VWA2: variants seen among roughly 807,000 people sequenced by gnomAD.
VWA2 encodes the protein von Willebrand factor A domain-containing protein 2.
Under a neutral mutation model 70.4 loss-of-function variants are expected in VWA2, and 73 were observed. The observed-to-expected ratio is 1.04, with a 90% CI of 0.86 to 1.26. VWA2 has a LOEUF of 1.26. VWA2 is among the 50% of genes most tolerant of loss of function. The probability of loss-of-function intolerance (pLI) is 0.00; values close to 1 mark genes in which losing one functional copy is unlikely to be tolerated. For missense variants in VWA2, 1,011 were observed against 998.5 expected (o/e 1.01, Z -0.17); for synonymous variants, 407 against 423.3 (o/e 0.96, Z 0.47).
At chr10:114,286,614 G>C in intron 11 of VWA2, 103 bp downstream of exon 11, 2 of 1,012,452 alleles carry the variant, frequency 2.0e-6, no homozygotes. Context: ...CTCTTCTAGG[G>C]GCTGAAACCA....
Position 114,289,715 on chromosome 10 carries a change from C to A in VWA2, c.2122+226C>A, listed in dbSNP as rs138390990. The A allele has an allele frequency of 8.0e-4, 463 of 581,416 alleles. 1 individual carries two copies. The highest frequency in any genetic ancestry group is 7.6e-3 in the African/African-American group (410 of 53,642). The allele number at this position is 581,416 out of a possible 1,614,324, so 36.0% of individuals were successfully genotyped here. The stretch of plus-strand genomic sequence containing the variant: ...GAAAGTTTAACTAACATAGATAACT[C>A]CCCCCAAACTTGAGAATTTATGCAT... On this transcript the variant is annotated intron_variant, in intron 12 of 13. Coordinates refer to ENST00000392982, the MANE Select transcript of VWA2 (RefSeq NM_001272046.2).
At chr10:114,242,192 T>C (rs562265657) in intron 1 of VWA2, among the ~76,000 whole-genome samples, 1 of 152,254 alleles carries the variant, frequency 6.6e-6, no homozygotes, top group South Asian at 2.1e-4. Flanking sequence ...TTCCCTGGTC[T>C]CAAATTAGGA....
Position 114,291,252 on chromosome 10 carries a change from G to A in VWA2, c.*15G>A, listed in dbSNP as rs569154908. On this transcript the variant is annotated 3_prime_UTR_variant, in exon 14 of 14. Transcript: ENST00000392982. Reference sequence around the variant, plus strand: ...GACGCCCCTGAGGCACATGGCTCCCGTGCAGGAGGGCAGCAGCCGTACCCC... The same window carrying A: ...GACGCCCCTGAGGCACATGGCTCCCATGCAGGAGGGCAGCAGCCGTACCCC... 1.8e-5 allele frequency: 28 copies of A among 1,549,682 alleles called. No homozygotes were observed. The highest frequency in any genetic ancestry group is 1.2e-4 in the South Asian group (10 of 83,944).
chr10:114,289,351 G>A lies in VWA2; in HGVS notation c.1984G>A (p.Val662Ile). Residue 662 changes from valine (V) to isoleucine (I), a missense_variant, in exon 12 of 14, where the codon GTC becomes ATC. Val to Ile is a conservative substitution (Grantham distance 29). Coordinates refer to ENST00000392982, the MANE Select transcript of VWA2 (RefSeq NM_001272046.2). The part of the protein sequence containing the change: ...AQKLRNNGIS[V>I]LVVGVGPVLS... ...GAAGCTGAGGAACAATGGCATCTCTGTCTTGGTCGTGGGCGTGGGGCCTGT... is the reference window on the plus strand; with the variant it reads ...GAAGCTGAGGAACAATGGCATCTCTATCTTGGTCGTGGGCGTGGGGCCTGT... The A allele has an allele frequency of 6.2e-7, 1 of 1,614,278 alleles. No individual in the cohort carries two copies.
chr10:114,277,684 A>G (rs118191997), intron 6 of VWA2, among the ~76,000 whole-genome samples: 2,867 of 152,164 alleles, frequency 0.019, 48 homozygotes, highest in Non-Finnish European at 0.027. Flanking sequence ...ATCATTCCTC[A>G]GTCTTTTTTT....
intron 7 of VWA2, among the ~76,000 whole-genome samples, chr10:114,278,495 G>A (rs2037904508): frequency 6.6e-6 from 1 of 152,224 alleles, no homozygotes; most frequent in Non-Finnish European, 1.5e-5. Context: ...TGTGTGGGGT[G>A]GGGCCCAGCA....
rs138592170 is a variant in VWA2, at chr10:114,246,747, C to T, written c.-10-1957C>T. The T allele has an allele frequency of 1.2e-3, 1,809 of 1,462,332 alleles. 23 individuals carry two copies. In the African/African-American group the frequency reaches 0.021, roughly 17 times the overall value. 90.6% of individuals were successfully genotyped at this position (1,462,332 alleles called of 1,614,324 possible). A position where few individuals can be genotyped will look rare whatever the true frequency, so the allele number is the denominator to read the frequency against. On this transcript the variant is annotated intron_variant, in intron 1 of 13. Coordinates refer to ENST00000392982, the MANE Select transcript of VWA2 (RefSeq NM_001272046.2). ...CGTGCAGGGGGAGAAATCCTTGAAC[C>T]AGGGCTGCTGTATAACCTTTCAGGA...
chr10:114,258,318 CT>C, intron 4 of VWA2, among the ~76,000 whole-genome samples: 1 of 152,228 alleles, frequency 6.6e-6, no homozygotes, highest in South Asian at 2.1e-4. Flanking sequence ...TAAATTAAGA[CT>C]TTTATGGATG....
chr10:114,254,630 C>T (rs1399634174), intron 3 of VWA2, among the ~76,000 whole-genome samples: 3 of 152,214 alleles, frequency 2.0e-5, no homozygotes, highest in African/African-American at 4.8e-5. Context: ...TTCAGTGCTG[C>T]TCACTAGCCC....
At chr10:114,269,625 C>T (rs922311914) in intron 5 of VWA2, among the ~76,000 whole-genome samples, 1 of 152,146 alleles carries the variant, frequency 6.6e-6, no homozygotes, top group Non-Finnish European at 1.5e-5. Flanking sequence ...AAGCCTTCCC[C>T]TGAAGGTGGT....
chr10:114,284,746 A>G, intron 9 of VWA2, 117 bp from the exon 10 acceptor site: 1 of 898,192 alleles, frequency 1.1e-6, no homozygotes, highest in Non-Finnish European at 1.7e-6. Flanking sequence ...ACTGTGGGGG[A>G]AGGGAGGGGC....
chr10:114,286,128 C>T lies in VWA2; in HGVS notation c.1187C>T (p.Pro396Leu). 6.2e-7 allele frequency: 1 copy of T among 1,614,108 alleles called. No homozygotes were observed. The highest frequency in any genetic ancestry group is 2.2e-5 in the East Asian group (1 of 44,888). Residue 396 changes from proline to leucine, a missense_variant, in exon 11 of 14, where the codon CCT (proline) becomes CTT (leucine). Physicochemically the swap from Pro to Leu is moderately conservative, Grantham distance 98. Transcript: ENST00000392982. ...AGCAGGGAGCTGCTGGTGGCGGTGCCTGTGGGGGAGTACCAGGATGTGCCT... is the reference window on the plus strand; with the variant it reads ...AGCAGGGAGCTGCTGGTGGCGGTGCTTGTGGGGGAGTACCAGGATGTGCCT... ...TYSRELLVAVPVGEYQDVPDL... is the reference protein window; with the variant it reads ...TYSRELLVAVLVGEYQDVPDL...
At chr10:114,241,951 G>A (rs1190569310) in intron 1 of VWA2, among the ~76,000 whole-genome samples, 5 of 143,490 alleles carry the variant, frequency 3.5e-5, no homozygotes, top group African/African-American at 7.9e-5. Context: ...GATTGTGTGT[G>A]TGCATTCCCT....
At chr10:114,261,917 G>C (rs1437754382) in intron 5 of VWA2, among the ~76,000 whole-genome samples, 1 of 152,154 alleles carries the variant, frequency 6.6e-6, no homozygotes, top group African/African-American at 2.4e-5. Context: ...AAGGGCCTCA[G>C]GAAGCTTCCA....
intron 8 of VWA2, chr10:114,281,660 C>T (rs1183638307): frequency 1.1e-6 from 1 of 873,090 alleles, no homozygotes; most frequent in Non-Finnish European, 1.4e-6. Context: ...CGTGTGGACA[C>T]TTGTTGTGTG....
chr10:114,246,888 C>G (rs868694255), intron 1 of VWA2, among the ~76,000 whole-genome samples: 1 of 152,176 alleles, frequency 6.6e-6, no homozygotes, highest in Non-Finnish European at 1.5e-5. Context: ...TCAGAAAGCT[C>G]CACATCAATA....
At chr10:114,259,559 C>T (rs774748729) in intron 4 of VWA2, among the ~76,000 whole-genome samples, 26 of 151,192 alleles carry the variant, frequency 1.7e-4, no homozygotes, top group South Asian at 2.1e-4. Flanking sequence ...TCTTTTTACA[C>T]GTTGAAATTT....
intron 5 of VWA2, among the ~76,000 whole-genome samples, chr10:114,272,127 T>TCTCAAGCCACAGCAAATAGAGGAC (rs2037723344): frequency 6.6e-6 from 1 of 152,196 alleles, no homozygotes; most frequent in African/African-American, 2.4e-5. Flanking sequence ...GATGAGAGGA[T>TCTCAAGCCACAGCAAATAGAGGAC]CTCAAGCCAC....
intron 5 of VWA2, among the ~76,000 whole-genome samples, chr10:114,265,620 C>G (rs1188049273): frequency 5.3e-5 from 8 of 152,178 alleles, no homozygotes; most frequent in African/African-American, 1.2e-4. Context: ...TCCCACACCC[C>G]CTAGATGATT....
Sources: allele counts gnomAD v4.1 joint callset (sites outside exome capture counted in the v4.1 genomes callset), GRCh38; gene constraint gnomAD v4.1.1; transcripts MANE v1.5; gene names NCBI Gene and HGNC (gene_info 2026-07-23, HGNC 2026-07-21).